TMCO1: variants seen among roughly 807,000 people sequenced by gnomAD.
The protein encoded by TMCO1 is calcium load-activated calcium channel.
A neutral mutation model predicts 29.3 loss-of-function variants in TMCO1; 29 were observed. The observed-to-expected ratio is 0.99, with a 90% CI of 0.74 to 1.35. The LOEUF (loss-of-function observed/expected upper bound fraction) is 1.35. Among genes scored for constraint, TMCO1 ranks in the 40% most tolerant of loss-of-function variants. The probability of loss-of-function intolerance (pLI) is 0.00; values close to 1 mark genes in which losing one functional copy is unlikely to be tolerated. For synonymous variants in TMCO1, 80 were observed against 77.1 expected, an observed-to-expected ratio of 1.04 and a Z score of -0.20; for missense variants, 173 against 225.5, an observed-to-expected ratio of 0.77 and a Z score of 1.49.
intron 5 of TMCO1, among the ~76,000 whole-genome samples, chr1:165,747,152 T>G (rs945002384): frequency 1.3e-5 from 2 of 150,998 alleles, no homozygotes; most frequent in African/African-American, 4.9e-5. Context: ...TCCCACCTAC[T>G]CGGGAGGATG....
chr1:165,735,425 T>A (rs1230208126), intron 6 of TMCO1, among the ~76,000 whole-genome samples: 1 of 151,140 alleles, frequency 6.6e-6, no homozygotes, highest in South Asian at 2.1e-4. Context: ...CTACTGGAAA[T>A]AGAGAAAGAA....
At chr1:165,743,807 T>C (rs1288061909) in intron 5 of TMCO1, among the ~76,000 whole-genome samples, 2 of 151,972 alleles carry the variant, frequency 1.3e-5, no homozygotes, top group Admixed American at 1.3e-4. Context: ...TTATATGAAG[T>C]TGAACATGCA....
intron 6 of TMCO1, among the ~76,000 whole-genome samples, chr1:165,733,671 T>C (rs1651260792): frequency 6.6e-6 from 1 of 152,046 alleles, no homozygotes; most frequent in African/African-American, 2.4e-5. Flanking sequence ...AAAGATGCTA[T>C]GAAAGAAAAT....
chr1:165,761,519 C>T (rs969727898), intron 2 of TMCO1, among the ~76,000 whole-genome samples: 3 of 150,542 alleles, frequency 2.0e-5, no homozygotes, highest in South Asian at 2.1e-4. Context: ...TATGCGAGAG[C>T]GAGACCCTGT....
At chr1:165,747,860 TTAAAAG>T (rs1651856439) in intron 5 of TMCO1, among the ~76,000 whole-genome samples, 1 of 152,058 alleles carries the variant, frequency 6.6e-6, no homozygotes, top group Admixed American at 6.6e-5. Flanking sequence ...TAGAAGACTG[TTAAAAG>T]TAAAAGGGAA....
chr1:165,755,627 CCTGGGCTGA>C (rs1487557833), intron 3 of TMCO1, among the ~76,000 whole-genome samples: 1 of 152,160 alleles, frequency 6.6e-6, no homozygotes, highest in African/African-American at 2.4e-5. Flanking sequence ...TATACTTCAG[CCTGGGCTGA>C]CAGAGGGTAA....
chr1:165,725,061 T>C (rs1401130827), downstream of TMCO1: 3 of 391,818 alleles, frequency 7.7e-6, no homozygotes, highest in African/African-American at 4.3e-5. Context: ...ATAGTGTATA[T>C]ACATAATAGT....
chr1:165,732,901 A>G (rs1045103945), intron 6 of TMCO1, among the ~76,000 whole-genome samples: 1 of 152,196 alleles, frequency 6.6e-6, no homozygotes, highest in African/African-American at 2.4e-5. Context: ...AAATACTGCT[A>G]AATGGAATAC....
chr1:165,735,756 C>G (rs1390266365), intron 6 of TMCO1, among the ~76,000 whole-genome samples: 1 of 152,108 alleles, frequency 6.6e-6, no homozygotes, highest in Non-Finnish European at 1.5e-5. Flanking sequence ...CTCAAGTGAT[C>G]TACCCGCCCT....
chr1:165,768,211 C>T lies in TMCO1; in HGVS notation c.129G>A (p.Val43=), dbSNP rs1423271695. The change falls in exon 2 of 7, where the codon GTG becomes GTA. Residue 43 remains valine, a synonymous_variant. Transcript: ENST00000367881. The part of the protein sequence containing the change: ...TDKYKRLKAE[V]EKQSKKLEKK... ...ACTCACATTTTTTACTCTGTTTTTC[C>T]ACTTCTGCCTTCAGTCTCTTGTACT... The T allele has an allele frequency of 6.2e-7, 1 of 1,613,810 alleles. No homozygotes were observed. Among genetic ancestry groups the T allele is most frequent in the Non-Finnish European group, 8.5e-7 (1 of 1,179,922 alleles).
intron 6 of TMCO1, among the ~76,000 whole-genome samples, chr1:165,732,748 A>G (rs113420605): frequency 0.013 from 2,016 of 152,148 alleles, 52 homozygotes; most frequent in African/African-American, 0.047. Flanking sequence ...CTTCCACTCA[A>G]TTTTGCTGTG....
At chr1:165,728,410 C>G (rs1032454009) in intron 6 of TMCO1, among the ~76,000 whole-genome samples, 1 of 151,962 alleles carries the variant, frequency 6.6e-6, no homozygotes, top group African/African-American at 2.4e-5. Context: ...GTGCCCGCCA[C>G]CACACCCGGC....
At chr1:165,740,946 G>A (rs939339574) in intron 6 of TMCO1, among the ~76,000 whole-genome samples, 1 of 152,156 alleles carries the variant, frequency 6.6e-6, no homozygotes, top group African/African-American at 2.4e-5. Context: ...CCAGGCTGTG[G>A]TATACTGTTA....
At position 165,730,318 on chromosome 1, in the gene TMCO1, C is replaced by T. The variant is rs191723723; in HGVS notation, c.469-2197G>A. On this transcript the variant is annotated intron_variant, in intron 6 of 6. Transcript: ENST00000367881. ...CGCCACTGCACTCCAGCCTGGGCGA[C>T]GGCGAGACTCCGTCTCAAAACAAAA... Among the ~76,000 whole-genome samples, 857 of 150,652 alleles carry T rather than the reference C, an allele frequency of 5.7e-3. 5 individuals carry two copies. Among genetic ancestry groups the T allele is most frequent in the African/African-American group, 0.02 (803 of 40,974 alleles).
chr1:165,726,253 T>C (rs1016675596), downstream of TMCO1: 5 of 699,008 alleles, frequency 7.2e-6, no homozygotes, highest in African/African-American at 5.3e-5. Context: ...CAGACATCCT[T>C]CTGATAAAAC....
At chr1:165,758,275 T>TG (rs1456321472) in intron 3 of TMCO1, among the ~76,000 whole-genome samples, 8 of 152,148 alleles carry the variant, frequency 5.3e-5, no homozygotes, top group African/African-American at 1.7e-4. Context: ...TCAAGACTCT[T>TG]GGCCGGCATA....
Position 165,727,561 on chromosome 1 carries a change from T to C in TMCO1, c.*462A>G, listed in dbSNP as rs1173698952. On this transcript the variant is annotated 3_prime_UTR_variant, in exon 7 of 7. Transcript: ENST00000367881. ...CCTTGTACATAAAACAGCTAAAAATTTGGCCTCTTTATTGATCTTATGTCA... is the reference window on the plus strand; with the variant it reads ...CCTTGTACATAAAACAGCTAAAAATCTGGCCTCTTTATTGATCTTATGTCA... The C allele has an allele frequency of 1.5e-5, 7 of 453,340 alleles. No homozygotes were observed. The Admixed American group carries it at 1.6e-4, about 11-fold the overall frequency. The allele number at this position is 453,340 out of a possible 1,614,324, so 28.1% of individuals were successfully genotyped here.
downstream of TMCO1, chr1:165,726,271 A>C (rs1216227206): frequency 1.4e-6 from 1 of 697,454 alleles, no homozygotes; most frequent in Non-Finnish European, 2.6e-6. Flanking sequence ...AACTAGTCTC[A>C]GAATAGGGAC....
intron 2 of TMCO1, among the ~76,000 whole-genome samples, chr1:165,766,144 C>T (rs1652557161): frequency 6.6e-6 from 1 of 152,128 alleles, no homozygotes; most frequent in Admixed American, 6.5e-5. Flanking sequence ...TAAAAGATAA[C>T]TACACAAGAA....
Sources: gnomAD v4.1 joint callset for allele counts (sites outside exome capture counted in the v4.1 genomes callset) on GRCh38, gnomAD v4.1.1 for gene constraint, MANE v1.5 for transcripts, NCBI Gene and HGNC (gene_info 2026-07-23, HGNC 2026-07-21) for gene names.